TMEM161B: variants seen among roughly 807,000 people sequenced by gnomAD.
The protein encoded by TMEM161B is transmembrane protein 161B.
A neutral mutation model predicts 61.8 loss-of-function variants in TMEM161B; 34 were observed. The observed-to-expected ratio is 0.55, with a 90% CI of 0.42 to 0.73. The LOEUF (loss-of-function observed/expected upper bound fraction) is 0.73. Among genes scored for constraint, TMEM161B ranks in the 30% least tolerant of loss-of-function variants. The probability of loss-of-function intolerance (pLI) is 0.00; values close to 1 mark genes in which losing one functional copy is unlikely to be tolerated. For missense variants in TMEM161B, 456 were observed against 558.5 expected (o/e 0.82, Z 1.85); for synonymous variants, 167 against 192.8 (o/e 0.87, Z 1.11).
chr5:88,229,507 T>C (rs973113933), intron 2 of TMEM161B, among the ~76,000 whole-genome samples: 8 of 151,156 alleles, frequency 5.3e-5, no homozygotes, highest in African/African-American at 2.0e-4. Context: ...TTTTTTTATC[T>C]TACAGAAAGG....
intron 1 of TMEM161B, among the ~76,000 whole-genome samples, chr5:88,252,219 T>C (rs1281519191): frequency 6.6e-6 from 1 of 152,102 alleles, no homozygotes; most frequent in Non-Finnish European, 1.5e-5. Flanking sequence ...ACACAGAAGG[T>C]ATTTGCAACA....
At chr5:88,242,964 T>G (rs1329264610) in intron 1 of TMEM161B, among the ~76,000 whole-genome samples, 1 of 151,762 alleles carries the variant, frequency 6.6e-6, no homozygotes, top group Non-Finnish European at 1.5e-5. Flanking sequence ...TTATTGGATA[T>G]TATAGAGATT....
intron 1 of TMEM161B, among the ~76,000 whole-genome samples, chr5:88,268,239 TG>T (rs1756667991): frequency 6.6e-6 from 1 of 152,186 alleles, no homozygotes; most frequent in Non-Finnish European, 1.5e-5. Flanking sequence ...AATGGCTAAG[TG>T]TAAAGAATAA....
At chr5:88,247,805 T>C (rs909665820) in intron 1 of TMEM161B, among the ~76,000 whole-genome samples, 1 of 152,070 alleles carries the variant, frequency 6.6e-6, no homozygotes, top group African/African-American at 2.4e-5. Flanking sequence ...ACCCAGACAA[T>C]TTCCAACTCA....
chr5:88,261,849 A>G (rs942242811), intron 1 of TMEM161B, among the ~76,000 whole-genome samples: 1 of 152,152 alleles, frequency 6.6e-6, no homozygotes, highest in Non-Finnish European at 1.5e-5. Flanking sequence ...CTGTTAGATA[A>G]CATAGATGGC....
At chr5:88,200,185 A>C (rs986519482) in intron 9 of TMEM161B, 1 of 152,058 alleles carries the variant, frequency 6.6e-6, no homozygotes, top group African/African-American at 2.4e-5. Context: ...GGAGGTAAGA[A>C]ATGGGGATGG....
downstream of TMEM161B, among the ~76,000 whole-genome samples, chr5:88,194,596 T>C (rs1749326443): frequency 6.6e-6 from 1 of 152,130 alleles, no homozygotes; most frequent in South Asian, 2.1e-4. Flanking sequence ...CTGGAAGTAA[T>C]TTACATCCTC....
intron 9 of TMEM161B, chr5:88,202,570 T>A (rs763157501): frequency 3.1e-5 from 6 of 191,370 alleles, no homozygotes; most frequent in Non-Finnish European, 6.4e-5. Context: ...TGTTAACAAC[T>A]GTCAAACATA....
downstream of TMEM161B, among the ~76,000 whole-genome samples, chr5:88,185,719 C>T (rs1748328680): frequency 6.6e-6 from 1 of 152,040 alleles, no homozygotes; most frequent in South Asian, 2.1e-4. Flanking sequence ...AAATACCAGA[C>T]AGGATGCTGC....
intron 1 of TMEM161B, among the ~76,000 whole-genome samples, chr5:88,255,354 C>T (rs934030744): frequency 6.6e-6 from 1 of 152,080 alleles, no homozygotes; most frequent in Non-Finnish European, 1.5e-5. Flanking sequence ...TCTAACATAC[C>T]TGCAGCGCTT....
intron 1 of TMEM161B, among the ~76,000 whole-genome samples, chr5:88,242,941 A>G (rs555817843): frequency 2.6e-5 from 4 of 151,946 alleles, no homozygotes; most frequent in African/African-American, 9.6e-5. Flanking sequence ...CTCACCAAAA[A>G]GAGCTAATTT....
At chr5:88,255,149 C>T (rs961421372) in intron 1 of TMEM161B, among the ~76,000 whole-genome samples, 1 of 152,126 alleles carries the variant, frequency 6.6e-6, no homozygotes, top group Admixed American at 6.5e-5. Context: ...ACTGATGGAC[C>T]CAAACTGGGT....
chr5:88,207,412 T>C (rs1745728228), intron 5 of TMEM161B, among the ~76,000 whole-genome samples: 1 of 152,194 alleles, frequency 6.6e-6, no homozygotes, highest in African/African-American at 2.4e-5. Context: ...AAGATTTTTA[T>C]GCAGTATGTT....
chr5:88,213,750 T>C (rs893195156), intron 5 of TMEM161B, among the ~76,000 whole-genome samples: 1 of 152,180 alleles, frequency 6.6e-6, no homozygotes, highest in African/African-American at 2.4e-5. Context: ...ATCTGAGTAA[T>C]ATGACAGCAT....
At chr5:88,192,491 C>T (rs1001377995), downstream of TMEM161B, among the ~76,000 whole-genome samples, 2 of 152,156 alleles carry the variant, frequency 1.3e-5, no homozygotes, top group African/African-American at 4.8e-5. Flanking sequence ...TATCATCAAG[C>T]AAGACATTAG....
rs566147272 is a variant in TMEM161B at position 88,265,725 on chromosome 5, A to G, written c.3+2996T>C. On this transcript the variant is annotated intron_variant, in intron 1 of 11. Transcript: ENST00000296595. ...TTATAGCATTTACACACTCTTCCCA[A>G]CACTCCCCTCCACTCCCCTCAAAAA... is the stretch of plus-strand genomic sequence containing the variant. Among the ~76,000 whole-genome samples, 3 of 152,110 alleles carry G rather than the reference A, an allele frequency of 2.0e-5. No homozygotes were observed. The East Asian group carries it at 5.8e-4, about 29-fold the overall frequency.
intron 4 of TMEM161B, chr5:88,221,861 G>A (rs2112533601): frequency 2.4e-6 from 1 of 411,720 alleles, no homozygotes; most frequent in South Asian, 1.7e-5. Flanking sequence ...TTTTAGTCAT[G>A]AAATATAATG....
chr5:88,229,700 T>C (rs1750664106), intron 2 of TMEM161B, among the ~76,000 whole-genome samples: 1 of 147,944 alleles, frequency 6.8e-6, no homozygotes, highest in East Asian at 2.0e-4. Context: ...CCCCCAATTC[T>C]TCAATTACAA....
intron 10 of TMEM161B, 60 bp from the exon 11 acceptor site, chr5:88,197,825 C>T: frequency 7.1e-7 from 1 of 1,408,786 alleles, no homozygotes; most frequent in Non-Finnish European, 9.8e-7. Flanking sequence ...GTGAATTAAA[C>T]TTTCATATAA....
Sources: allele counts gnomAD v4.1 joint callset (sites outside exome capture counted in the v4.1 genomes callset), GRCh38; gene constraint gnomAD v4.1.1; transcripts MANE v1.5; gene names NCBI Gene and HGNC (gene_info 2026-07-23, HGNC 2026-07-21).